FAM76A: variants seen among roughly 807,000 people sequenced by gnomAD.
FAM76A encodes family with sequence similarity 76 member A, also known as protein FAM76A.
FAM76A carries 32 observed loss-of-function variants against 46.2 expected under a neutral mutation model. The ratio of observed to expected loss-of-function variants is 0.69; its 90% CI spans 0.52 to 0.93. FAM76A has a LOEUF of 0.93. FAM76A is among the 40% of genes least tolerant of loss of function. The probability of loss-of-function intolerance (pLI) is 0.00; values close to 1 mark genes in which losing one functional copy is unlikely to be tolerated. For missense variants in FAM76A, 274 were observed against 361.5 expected (o/e 0.76, Z 1.96); for synonymous variants, 137 against 127.0 (o/e 1.08, Z -0.53).
chr1:27,752,950 G>A (rs891692933), intron 6 of FAM76A, among the ~76,000 whole-genome samples: 11 of 151,926 alleles, frequency 7.2e-5, no homozygotes, highest in African/African-American at 1.9e-4. Context: ...ACCTGAGGTC[G>A]GGAGTTCGAG....
In FAM76A at chr1:27,755,951, G is replaced by A. The variant is rs75245376; in HGVS notation, c.735+621G>A. Among the ~76,000 whole-genome samples the A allele has an allele frequency of 7.9e-5, 12 of 152,288 alleles. No homozygotes were observed. The East Asian group carries it at 1.2e-3, about 15-fold the overall frequency. ...CAGTGTTCACATCTCAGTTCACAGCGGAGCATGTAACAAACAGTACACAGT... is the reference window on the plus strand; with the variant it reads ...CAGTGTTCACATCTCAGTTCACAGCAGAGCATGTAACAAACAGTACACAGT... On this transcript the variant is annotated intron_variant, in intron 7 of 8. Transcript: ENST00000373954.
intron 4 of FAM76A, chr1:27,739,192 G>T (rs2088108026): frequency 2.4e-6 from 1 of 421,508 alleles, no homozygotes. Context: ...AAGGATGCTG[G>T]AGGAAAAGCT....
At chr1:27,745,481 A>G (rs1210515362) in intron 5 of FAM76A, among the ~76,000 whole-genome samples, 1 of 152,200 alleles carries the variant, frequency 6.6e-6, no homozygotes, top group Non-Finnish European at 1.5e-5. Flanking sequence ...TATTACCATT[A>G]TGACTTTGTT....
chr1:27,746,389 A>G (rs1000980361), intron 5 of FAM76A, among the ~76,000 whole-genome samples: 1 of 152,150 alleles, frequency 6.6e-6, no homozygotes, highest in African/African-American at 2.4e-5. Flanking sequence ...AGCTTAGCCT[A>G]GAACTTAGAA....
rs190403159 is a variant in FAM76A, at chr1:27,733,107, A to T, written c.201+450A>T. 7.2e-3 allele frequency among the ~76,000 whole-genome samples: 1,091 copies of T among 151,576 alleles called. 7 individuals carry two copies. Among genetic ancestry groups the T allele is most frequent in the Non-Finnish European group, 0.011 (767 of 67,840 alleles). On this transcript the variant is annotated intron_variant, in intron 3 of 8. Transcript: ENST00000373954. Reference sequence around the variant, plus strand: ...GCCACCACACCTGGCTGATTTTTGTATTTTAGTAGAGATGGGGTTTCACCA... The same window carrying T: ...GCCACCACACCTGGCTGATTTTTGTTTTTTAGTAGAGATGGGGTTTCACCA...
In FAM76A at chr1:27,760,598, T is replaced by TC. The variant is rs2088488309; in HGVS notation, c.*20dup. The TC allele has an allele frequency of 6.3e-7, 1 of 1,590,632 alleles. No homozygotes were observed. Among genetic ancestry groups the TC allele is most frequent in the Admixed American group, 1.7e-5 (1 of 58,254 alleles). ...TCTCCATGACAGACCTCAAGGAGGC[T>TC]CCCTAGCAACAGCAAATGGAGTTGT... is the stretch of plus-strand genomic sequence containing the variant. On this transcript the variant is annotated 3_prime_UTR_variant, in exon 9 of 9. Transcript: ENST00000373954.
At chr1:27,734,206 TTC>T (rs1365137541) in intron 4 of FAM76A, 23 bp downstream of exon 4, 2 of 1,564,444 alleles carry the variant, frequency 1.3e-6, no homozygotes, top group Non-Finnish European at 1.7e-6. Flanking sequence ...TTTTCTTGAT[TTC>T]TTTTTTTCCT....
chr1:27,739,076 G>A (rs557505657), intron 4 of FAM76A: 27 of 274,704 alleles, frequency 9.8e-5, no homozygotes, highest in South Asian at 7.4e-4. Flanking sequence ...GCACACTGCA[G>A]ATAGCCCACT....
rs1430098247 is a variant in FAM76A, at chr1:27,726,156, T to G, written c.76T>G (p.Cys26Gly). Residue 26 changes from cysteine to glycine, a missense_variant, in exon 1 of 9, where the codon TGC becomes GGC. Transcript: ENST00000373954. ...GGCGCTGTCTCAGGGGCAGCAGCTG[T>G]GCAAGGTGCGCGGGCTGGGGCGGCG... ...FEALSQGQQL[C>G]KECRIAHPVV... 1 of 1,288,866 alleles carries G rather than the reference T, an allele frequency of 7.8e-7. No individual in the cohort carries two copies. Among genetic ancestry groups the G allele is most frequent in the African/African-American group, 1.5e-5 (1 of 65,228 alleles). 79.8% of individuals were successfully genotyped at this position (1,288,866 alleles called of 1,614,324 possible).
At chr1:27,745,126 A>T (rs1641120264) in intron 5 of FAM76A, among the ~76,000 whole-genome samples, 1 of 152,156 alleles carries the variant, frequency 6.6e-6, no homozygotes, top group African/African-American at 2.4e-5. Flanking sequence ...TTTCTGAGAG[A>T]TACAGCTTTT....
intron 2 of FAM76A, 121 bp downstream of exon 2, chr1:27,727,657 C>T: frequency 1.4e-6 from 1 of 733,228 alleles, no homozygotes; most frequent in South Asian, 1.6e-5. Context: ...GATCTGTAAT[C>T]AATCACATTA....
intron 5 of FAM76A, among the ~76,000 whole-genome samples, chr1:27,747,813 G>A (rs574028655): frequency 2.4e-4 from 36 of 152,214 alleles, no homozygotes; most frequent in African/African-American, 7.7e-4. Context: ...CCAGCTATTC[G>A]GGAGGCTGAG....
At chr1:27,737,868 CAAAAAAAAAAAAA>C (rs71571865) in intron 4 of FAM76A, among the ~76,000 whole-genome samples, 1 of 62,704 alleles carries the variant, frequency 1.6e-5, no homozygotes, top group Admixed American at 2.2e-4. Flanking sequence ...ACAACAACAA[CAAAAAAAAAAAAA>C]AAAAAAAAAA....
rs559258119 is a variant in FAM76A, at chr1:27,762,867, A to G, written c.*2286A>G. The G allele has an allele frequency of 7.2e-5, 11 of 152,294 alleles. No individual in the cohort carries two copies. The East Asian group carries it at 1.9e-3, about 27-fold the overall frequency. 9.4% of individuals were successfully genotyped at this position (152,294 alleles called of 1,614,324 possible). The stretch of plus-strand genomic sequence containing the variant: ...ATCTTTTTTTAAGGTCTTGGCATTT[A>G]ATATAAAGCAAATTCACACGTTTTC... On this transcript the variant is annotated 3_prime_UTR_variant, in exon 9 of 9. Coordinates refer to ENST00000373954, the MANE Select transcript of FAM76A (RefSeq NM_152660.3).
intron 1 of FAM76A, 144 bp downstream of exon 1, chr1:27,726,305 G>A: frequency 1.5e-6 from 1 of 667,700 alleles, no homozygotes; most frequent in South Asian, 7.8e-5. Context: ...CACCCCGCTG[G>A]GGGCCGGCGG....
intron 4 of FAM76A, chr1:27,738,964 T>C (rs1434140437): frequency 6.3e-6 from 1 of 159,270 alleles, no homozygotes; most frequent in Non-Finnish European, 1.4e-5. Flanking sequence ...GCTTGGCACA[T>C]GATTAGAACA....
intron 6 of FAM76A, among the ~76,000 whole-genome samples, chr1:27,754,401 C>T (rs575601395): frequency 4.2e-4 from 64 of 152,276 alleles, no homozygotes; most frequent in Non-Finnish European, 7.2e-4. Flanking sequence ...CCACCGCGCC[C>T]GGCCTAAAAC....
At chr1:27,741,145 C>A (rs1401318461) in intron 4 of FAM76A, among the ~76,000 whole-genome samples, 33 of 146,288 alleles carry the variant, frequency 2.3e-4, no homozygotes, top group South Asian at 8.7e-4. Context: ...AAAAAAAAAA[C>A]AACAACAATT....
intron 2 of FAM76A, among the ~76,000 whole-genome samples, chr1:27,730,611 A>T (rs1024079036): frequency 6.6e-6 from 1 of 152,236 alleles, no homozygotes; most frequent in African/African-American, 2.4e-5. Flanking sequence ...TCACAGAATC[A>T]TTGATGGTAA....
Sources: gnomAD v4.1 joint callset for allele counts (sites outside exome capture counted in the v4.1 genomes callset) on GRCh38, gnomAD v4.1.1 for gene constraint, MANE v1.5 for transcripts, NCBI Gene and HGNC (gene_info 2026-07-23, HGNC 2026-07-21) for gene names.